GPM6A: variants seen among roughly 807,000 people sequenced by gnomAD.
The protein encoded by GPM6A is glycoprotein M6A.
GPM6A carries 7 observed loss-of-function variants against 32.1 expected under a neutral mutation model. That is an observed-to-expected ratio of 0.22 (90% CI 0.12 to 0.41). GPM6A has a LOEUF of 0.41. GPM6A is among the 10% of genes least tolerant of loss of function. The pLI is 1.00. For synonymous variants in GPM6A, 130 were observed against 123.4 expected (o/e 1.05, Z -0.35); for missense variants, 235 against 347.2 (o/e 0.68, Z 2.57).
At chr4:175,695,300 G>A (rs936422545) in intron 2 of GPM6A, among the ~76,000 whole-genome samples, 2 of 152,146 alleles carry the variant, frequency 1.3e-5, no homozygotes, top group Non-Finnish European at 2.9e-5. Flanking sequence ...ACCCCAGAAT[G>A]GTAGATCCAC....
chr4:175,920,091 T>C (rs1475376852), intron 1 of GPM6A, among the ~76,000 whole-genome samples: 1 of 152,282 alleles, frequency 6.6e-6, no homozygotes, highest in Non-Finnish European at 1.5e-5. Context: ...CCATCAATTG[T>C]GCATGTGAGT....
At chr4:175,641,361 G>A (rs1021175175) in intron 4 of GPM6A, 1 of 153,510 alleles carries the variant, frequency 6.5e-6, no homozygotes, top group African/African-American at 2.4e-5. Context: ...TAGACCAACA[G>A]CATTAGAATC....
At chr4:175,656,408 T>G (rs994975701) in intron 3 of GPM6A, among the ~76,000 whole-genome samples, 2 of 152,150 alleles carry the variant, frequency 1.3e-5, no homozygotes, top group Non-Finnish European at 2.9e-5. Context: ...AGTATAAATT[T>G]CTTGAGATCC....
chr4:175,826,761 G>C (rs1010872247), intron 1 of GPM6A, among the ~76,000 whole-genome samples: 3 of 151,970 alleles, frequency 2.0e-5, no homozygotes, highest in African/African-American at 7.3e-5. Flanking sequence ...GTTACAACCA[G>C]CATGCCCATG....
At position 175,928,059 on chromosome 4, in the gene GPM6A, T is replaced by A. The variant is rs116562359; in HGVS notation, c.-23+74250A>T. ...TTATTCTTATTTTTTAAGGAGGACG[T>A]GAAACTGCAGTGGTTTCTAGAGAGA... On this transcript the variant is annotated intron_variant, in intron 1 of 7. Coordinates refer to the GPM6A transcript ENST00000280187. Among the ~76,000 whole-genome samples the A allele has an allele frequency of 3.1e-3, 471 of 152,298 alleles. 3 individuals carry two copies. Among genetic ancestry groups the A allele is most frequent in the African/African-American group, 0.011 (458 of 41,560 alleles).
At chr4:175,906,325 A>G (rs898747288) in intron 1 of GPM6A, among the ~76,000 whole-genome samples, 3 of 152,186 alleles carry the variant, frequency 2.0e-5, no homozygotes, top group African/African-American at 7.2e-5. Context: ...GGAGGGAAAG[A>G]CAGCACAAAC....
In GPM6A at chr4:175,707,987, C is replaced by T. The variant is rs114525289; in HGVS notation, c.38-6220G>A. Among the ~76,000 whole-genome samples, 420 of 152,200 alleles carry T rather than the reference C, an allele frequency of 2.8e-3. 3 individuals carry two copies. The highest frequency in any genetic ancestry group is 9.8e-3 in the African/African-American group (409 of 41,534). ...TGGTGTCACTGGGTTTTTAAAAATACATCACTAAATTTGTCATGCTAACTT... is the reference window on the plus strand; with the variant it reads ...TGGTGTCACTGGGTTTTTAAAAATATATCACTAAATTTGTCATGCTAACTT... On this transcript the variant is annotated intron_variant, in intron 1 of 6. Coordinates refer to ENST00000393658, the MANE Select transcript of GPM6A (RefSeq NM_201591.3).
intron 3 of GPM6A, among the ~76,000 whole-genome samples, chr4:175,653,371 T>A (rs752745172): frequency 4.6e-5 from 7 of 152,142 alleles, no homozygotes; most frequent in Non-Finnish European, 8.8e-5. Flanking sequence ...TGTTTTCTAA[T>A]AATATTGTTT....
intron 1 of GPM6A, among the ~76,000 whole-genome samples, chr4:175,960,495 A>C (rs1374345369): frequency 6.6e-6 from 1 of 152,138 alleles, no homozygotes; most frequent in East Asian, 1.9e-4. Context: ...TACATAGATA[A>C]ACATGTGACA....
Position 175,845,413 on chromosome 4 carries a change from A to G in GPM6A, c.-22-33164T>C, listed in dbSNP as rs185096830. On this transcript the variant is annotated intron_variant, in intron 1 of 7. Transcript: ENST00000280187. ...CGTTTCCCTAACAGACATGGAACCC[A>G]CCATTATATTATTTCACATTCTTGA... Among the ~76,000 whole-genome samples the G allele has an allele frequency of 2.5e-3, 377 of 152,220 alleles. 2 individuals are homozygous for G. The highest frequency in any genetic ancestry group is 8.7e-3 in the African/African-American group (362 of 41,558).
chr4:175,750,337 T>G (rs913007533), intron 1 of GPM6A, among the ~76,000 whole-genome samples: 5 of 152,030 alleles, frequency 3.3e-5, no homozygotes, highest in Non-Finnish European at 5.9e-5. Flanking sequence ...GGATTACAGG[T>G]GTGAGCCACC....
intron 1 of GPM6A, among the ~76,000 whole-genome samples, chr4:175,738,157 C>T (rs756144663): frequency 1.3e-5 from 2 of 152,066 alleles, no homozygotes; most frequent in Non-Finnish European, 2.9e-5. Flanking sequence ...AGGCTGGTCT[C>T]GAACTCCTGC....
At chr4:175,642,347 T>G (rs952653505) in intron 4 of GPM6A, among the ~76,000 whole-genome samples, 1 of 152,182 alleles carries the variant, frequency 6.6e-6, no homozygotes, top group African/African-American at 2.4e-5. Flanking sequence ...GTGCTTACAT[T>G]TCCTTATTCA....
intron 1 of GPM6A, among the ~76,000 whole-genome samples, chr4:175,863,179 T>C (rs958083580): frequency 2.0e-5 from 3 of 152,194 alleles, no homozygotes; most frequent in Non-Finnish European, 4.4e-5. Flanking sequence ...CACCACACTA[T>C]AGATAACATT....
At chr4:175,658,446 A>G (rs1356431425) in intron 3 of GPM6A, among the ~76,000 whole-genome samples, 1 of 152,184 alleles carries the variant, frequency 6.6e-6, no homozygotes, top group African/African-American at 2.4e-5. Context: ...TAGGTGGAGC[A>G]CAGAGGATTT....
intron 1 of GPM6A, among the ~76,000 whole-genome samples, chr4:175,803,272 T>C (rs758839275): frequency 6.6e-6 from 1 of 152,108 alleles, no homozygotes; most frequent in Non-Finnish European, 1.5e-5. Flanking sequence ...ATAAAAACTT[T>C]ACCCTTCAGG....
intron 1 of GPM6A, among the ~76,000 whole-genome samples, chr4:175,965,614 CTTT>C (rs59648310): frequency 2.8e-5 from 4 of 141,178 alleles, no homozygotes; most frequent in African/African-American, 7.9e-5. Context: ...CTATTTCTCT[CTTT>C]TTTTTTTTTT....
chr4:175,785,481 G>C (rs976582312), intron 1 of GPM6A, among the ~76,000 whole-genome samples: 1 of 152,152 alleles, frequency 6.6e-6, no homozygotes, highest in Non-Finnish European at 1.5e-5. Context: ...CAGCTGTTGG[G>C]AGAATAGAAT....
intron 1 of GPM6A, among the ~76,000 whole-genome samples, chr4:175,900,995 A>G (rs1737947118): frequency 6.6e-6 from 1 of 152,182 alleles, no homozygotes. Context: ...GCTGGAGATT[A>G]CTATGTTAAG....
Sources: allele counts gnomAD v4.1 joint callset (sites outside exome capture counted in the v4.1 genomes callset), GRCh38; gene constraint gnomAD v4.1.1; transcripts MANE v1.5; gene names NCBI Gene and HGNC (gene_info 2026-07-23, HGNC 2026-07-21).